Variants in COX5A observed in about 807,000 individuals in gnomAD.
COX5A encodes cytochrome c oxidase subunit 5A, also known as cytochrome c oxidase subunit 5A, mitochondrial.
A neutral mutation model predicts 16.1 loss-of-function variants in COX5A; 6 were observed. The ratio of observed to expected loss-of-function variants is 0.37; its 90% CI spans 0.20 to 0.73. The LOEUF (loss-of-function observed/expected upper bound fraction) is 0.73, where lower values mean the gene tolerates loss of function less well. Ranked by LOEUF, COX5A falls within the 30% of genes least tolerant of loss-of-function variation. The pLI, the probability that COX5A is intolerant of heterozygous loss-of-function variation, is 0.50. For synonymous variants in COX5A, 73 were observed against 73.8 expected (o/e 0.99, Z 0.06); for missense variants, 159 against 194.9 (o/e 0.82, Z 1.10).
At chr15:74,936,538 A>G (rs1362949351) in intron 1 of COX5A, among the ~76,000 whole-genome samples, 1 of 152,138 alleles carries the variant, frequency 6.6e-6, no homozygotes, top group African/African-American at 2.4e-5. Context: ...AAAAATAAAT[A>G]AATAAACAAA....
intron 2 of COX5A, among the ~76,000 whole-genome samples, chr15:74,928,621 G>A (rs957150053): frequency 4.6e-5 from 7 of 152,140 alleles, no homozygotes; most frequent in African/African-American, 4.8e-5. Flanking sequence ...TCCTGACCTC[G>A]TGATCCGCCC....
intron 3 of COX5A, among the ~76,000 whole-genome samples, chr15:74,926,411 C>A (rs2065343934): frequency 6.6e-6 from 1 of 150,858 alleles, no homozygotes; most frequent in South Asian, 2.1e-4. Context: ...CCTGACATTG[C>A]ATGATCCACC....
chr15:74,922,664 C>CTTT (rs941924508), intron 4 of COX5A, among the ~76,000 whole-genome samples: 4 of 128,428 alleles, frequency 3.1e-5, no homozygotes, highest in African/African-American at 5.9e-5. Flanking sequence ...CAAGTTGAGT[C>CTTT]TTTTTTTTTT....
chr15:74,927,108 G>C (rs1182588289), intron 2 of COX5A, among the ~76,000 whole-genome samples: 1 of 151,988 alleles, frequency 6.6e-6, no homozygotes, highest in African/African-American at 2.4e-5. Flanking sequence ...CTATGCAACA[G>C]CACGCAGATT....
At chr15:74,928,388 CTTT>C (rs955547714) in intron 2 of COX5A, among the ~76,000 whole-genome samples, 16 of 145,834 alleles carry the variant, frequency 1.1e-4, no homozygotes, top group African/African-American at 4.0e-4. Context: ...TGTGTAAATT[CTTT>C]TTTTTTTTTC....
chr15:74,930,699 T>C (rs1417643709), intron 1 of COX5A, among the ~76,000 whole-genome samples: 1 of 146,074 alleles, frequency 6.8e-6, no homozygotes, highest in East Asian at 2.2e-4. Context: ...AATAAACTTA[T>C]ATACTTCATT....
chr15:74,934,577 C>T (rs917712368), intron 1 of COX5A, among the ~76,000 whole-genome samples: 11 of 152,122 alleles, frequency 7.2e-5, no homozygotes, highest in Admixed American at 5.9e-4. Flanking sequence ...GTGATCCGCC[C>T]GCCTCAGCCT....
intron 1 of COX5A, among the ~76,000 whole-genome samples, chr15:74,931,206 T>G (rs542932920): frequency 6.6e-6 from 1 of 151,692 alleles, no homozygotes; most frequent in African/African-American, 2.4e-5. Flanking sequence ...ACTGTTTTAC[T>G]AGGAATATTT....
chr15:74,929,263 TAC>T (rs1202450786), intron 1 of COX5A, 31 bp from the exon 2 acceptor site: 1 of 1,394,338 alleles, frequency 7.2e-7, no homozygotes, highest in South Asian at 1.2e-5. Context: ...AACTTCAATG[TAC>T]ACAAATAGTA....
chr15:74,922,747 C>T (rs917046198), intron 4 of COX5A, among the ~76,000 whole-genome samples: 1 of 149,726 alleles, frequency 6.7e-6, no homozygotes, highest in Non-Finnish European at 1.5e-5. Context: ...CTCACTGCAA[C>T]CTCTGCCTCC....
At chr15:74,934,845 C>G (rs564053850) in intron 1 of COX5A, among the ~76,000 whole-genome samples, 4 of 152,032 alleles carry the variant, frequency 2.6e-5, no homozygotes, top group Non-Finnish European at 4.4e-5. Flanking sequence ...AGAGCTTTTA[C>G]GTAACCTGAA....
intron 1 of COX5A, 136 bp downstream of exon 1, chr15:74,937,779 C>A: frequency 4.0e-6 from 2 of 504,604 alleles, no homozygotes; most frequent in Non-Finnish European, 6.1e-6. Context: ...GCGGGCAGGG[C>A]GGCCCGCGGT....
chr15:74,921,818 A>G (rs975370349), intron 4 of COX5A, among the ~76,000 whole-genome samples: 6 of 152,238 alleles, frequency 3.9e-5, no homozygotes, highest in African/African-American at 7.2e-5. Flanking sequence ...AAGTACTCAC[A>G]GAAGTCAAAA....
At chr15:74,937,160 A>C (rs1338770796) in intron 1 of COX5A, among the ~76,000 whole-genome samples, 2 of 152,164 alleles carry the variant, frequency 1.3e-5, no homozygotes, top group African/African-American at 4.8e-5. Context: ...AAAATAGACA[A>C]AAATCAGAAG....
chr15:74,937,846 G>T, intron 1 of COX5A, 69 bp downstream of exon 1: 2 of 971,332 alleles, frequency 2.1e-6, no homozygotes, highest in Non-Finnish European at 2.7e-6. Flanking sequence ...GCCCGCCCCG[G>T]AGTGGCAGCG....
chr15:74,932,665 C>A (rs939432161), intron 1 of COX5A, among the ~76,000 whole-genome samples: 19 of 151,540 alleles, frequency 1.3e-4, no homozygotes, highest in Admixed American at 1.2e-3. Flanking sequence ...GGAACATGTA[C>A]ATAAATGGAC....
At position 74,926,844 on chromosome 15, in the gene COX5A, T is replaced by A; in HGVS notation, c.261A>T (p.Lys87Asn). The change falls in exon 3 of 5, where the codon AAA (lysine) becomes AAT (asparagine). Residue 87 changes from lysine to asparagine, a missense_variant. Transcript: ENST00000322347. ...LVTYDMVPEP[K>N]IIDAALRACR... ...ATGCCCGCAAAGCAGCATCAATGAT[T>A]TTGGGCTCTGGAACCATATCATAGG... The A allele has an allele frequency of 1.2e-6, 2 of 1,614,042 alleles. No individual in the cohort carries two copies. The highest frequency in any genetic ancestry group is 1.7e-6 in the Non-Finnish European group (2 of 1,179,970).
chr15:74,927,733 T>C (rs993058990), intron 2 of COX5A, among the ~76,000 whole-genome samples: 3 of 151,850 alleles, frequency 2.0e-5, no homozygotes, highest in Non-Finnish European at 4.4e-5. Flanking sequence ...GATCGCGCCA[T>C]TGCACTCTAG....
chr15:74,920,902 G>A (rs923243139), intron 4 of COX5A, among the ~76,000 whole-genome samples: 2 of 151,160 alleles, frequency 1.3e-5, no homozygotes, highest in Non-Finnish European at 3.0e-5. Flanking sequence ...CTCTTCAACC[G>A]GGAGGCGGAG....
Sources: allele counts gnomAD v4.1 joint callset (sites outside exome capture counted in the v4.1 genomes callset), GRCh38; gene constraint gnomAD v4.1.1; transcripts MANE v1.5; gene names NCBI Gene and HGNC (gene_info 2026-07-23, HGNC 2026-07-21).